The following RSU1 variants were observed in gnomAD, a reference collection of about 807,000 sequenced individuals.
RSU1 encodes the protein Ras suppressor protein 1, also known as rsu-1.
RSU1 carries 26 observed loss-of-function variants against 31.1 expected under a neutral mutation model. That is an observed-to-expected ratio of 0.84 (90% CI 0.61 to 1.16). The LOEUF (loss-of-function observed/expected upper bound fraction) is 1.16. RSU1 is among the 50% of genes most tolerant of loss of function. The probability of loss-of-function intolerance (pLI) is 0.00; values close to 1 mark genes in which losing one functional copy is unlikely to be tolerated. For missense variants in RSU1, 320 were observed against 339.1 expected (o/e 0.94, Z 0.44); for synonymous variants, 164 against 136.3 (o/e 1.20, Z -1.41).
chr10:16,670,872 C>G (rs1835093073), intron 8 of RSU1, among the ~76,000 whole-genome samples: 1 of 152,162 alleles, frequency 6.6e-6, no homozygotes, highest in South Asian at 2.1e-4. Flanking sequence ...TCAAGTGATT[C>G]TCCTGCTCCA....
chr10:16,728,941 T>C (rs1836450030), intron 7 of RSU1, among the ~76,000 whole-genome samples: 1 of 152,142 alleles, frequency 6.6e-6, no homozygotes, highest in Non-Finnish European at 1.5e-5. Context: ...TCTAATTCAG[T>C]GAAAAAGATC....
intron 7 of RSU1, among the ~76,000 whole-genome samples, chr10:16,730,929 T>A (rs1836497693): frequency 6.6e-6 from 1 of 152,026 alleles, no homozygotes; most frequent in South Asian, 2.1e-4. Context: ...GTTCAAGCGA[T>A]TCTTGTGCCT....
At chr10:16,627,972 G>A (rs1834186822) in intron 8 of RSU1, among the ~76,000 whole-genome samples, 1 of 152,074 alleles carries the variant, frequency 6.6e-6, no homozygotes, top group South Asian at 2.1e-4. Context: ...CCATCCAGAG[G>A]CGAGACCAGC....
intron 7 of RSU1, among the ~76,000 whole-genome samples, chr10:16,697,709 G>GA (rs1007584676): frequency 2.0e-5 from 3 of 150,820 alleles, no homozygotes; most frequent in African/African-American, 2.4e-5. Context: ...CAAAGTAGAT[G>GA]AAAAAAAAGC....
At chr10:16,606,643 T>C (rs1409878051) in intron 8 of RSU1, among the ~76,000 whole-genome samples, 1 of 152,150 alleles carries the variant, frequency 6.6e-6, no homozygotes, top group African/African-American at 2.4e-5. Flanking sequence ...CCACGTTGTA[T>C]ATACTAAGTC....
At chr10:16,686,544 T>C (rs568134598) in intron 8 of RSU1, among the ~76,000 whole-genome samples, 12 of 152,220 alleles carry the variant, frequency 7.9e-5, no homozygotes, top group Non-Finnish European at 1.6e-4. Flanking sequence ...GGATGGAGTC[T>C]AGCTGATATT....
intron 8 of RSU1, among the ~76,000 whole-genome samples, chr10:16,614,631 C>A (rs908978067): frequency 1.3e-5 from 2 of 152,050 alleles, no homozygotes; most frequent in African/African-American, 4.8e-5. Flanking sequence ...AATACATACA[C>A]CTACTGTGTA....
intron 8 of RSU1, among the ~76,000 whole-genome samples, chr10:16,638,347 C>G (rs766348085): frequency 6.6e-6 from 1 of 152,086 alleles, no homozygotes; most frequent in African/African-American, 2.4e-5. Flanking sequence ...TTGTGTCTTA[C>G]GCAGATCATC....
intron 8 of RSU1, among the ~76,000 whole-genome samples, chr10:16,656,374 A>T (rs1834778960): frequency 1.3e-5 from 2 of 152,220 alleles, no homozygotes; most frequent in Non-Finnish European, 2.9e-5. Flanking sequence ...ATATTGTTGC[A>T]TTGTTATTTA....
intron 2 of RSU1, among the ~76,000 whole-genome samples, chr10:16,789,373 T>C (rs765094944): frequency 6.6e-6 from 1 of 152,128 alleles, no homozygotes; most frequent in South Asian, 2.1e-4. Flanking sequence ...TAAAAGATCT[T>C]TGAGAAAAAT....
intron 7 of RSU1, among the ~76,000 whole-genome samples, chr10:16,710,340 C>T (rs901629605): frequency 2.0e-5 from 3 of 152,322 alleles, no homozygotes; most frequent in African/African-American, 7.2e-5. Flanking sequence ...ACCCTTGCAA[C>T]ACTGGTATGA....
intron 8 of RSU1, among the ~76,000 whole-genome samples, chr10:16,608,779 GT>G (rs2131465991): frequency 6.6e-6 from 1 of 152,002 alleles, no homozygotes; most frequent in African/African-American, 2.4e-5. Context: ...AGAATGAAGA[GT>G]TTAAAGTTTA....
At chr10:16,709,145 C>A (rs1045352148) in intron 7 of RSU1, among the ~76,000 whole-genome samples, 1 of 151,920 alleles carries the variant, frequency 6.6e-6, no homozygotes, top group Non-Finnish European at 1.5e-5. Flanking sequence ...TCCCTCCCCC[C>A]TTCCCCCACC....
intron 8 of RSU1, among the ~76,000 whole-genome samples, chr10:16,638,497 A>G (rs571464760): frequency 2.4e-4 from 36 of 152,312 alleles, no homozygotes; most frequent in Non-Finnish European, 4.1e-4. Context: ...GCTGTAAAGT[A>G]GTCAATCACC....
chr10:16,740,785 A>C (rs1011102349), intron 7 of RSU1, among the ~76,000 whole-genome samples: 4 of 152,214 alleles, frequency 2.6e-5, no homozygotes, highest in Non-Finnish European at 5.9e-5. Context: ...GAAATCTACA[A>C]AACATTACTG....
At chr10:16,738,582 C>G (rs1480181456) in intron 7 of RSU1, among the ~76,000 whole-genome samples, 1 of 152,072 alleles carries the variant, frequency 6.6e-6, no homozygotes, top group Non-Finnish European at 1.5e-5. Context: ...TAAAATAACT[C>G]AGTGAAACTA....
intron 8 of RSU1, among the ~76,000 whole-genome samples, chr10:16,618,345 T>C (rs2047708071): frequency 6.6e-6 from 1 of 152,226 alleles, no homozygotes; most frequent in African/African-American, 2.4e-5. Flanking sequence ...GGCAAGGCTG[T>C]GGAGAAATAG....
intron 8 of RSU1, among the ~76,000 whole-genome samples, chr10:16,681,502 C>T (rs1835327299): frequency 6.6e-6 from 1 of 151,794 alleles, no homozygotes; most frequent in African/African-American, 2.4e-5. Flanking sequence ...CTTCTATTGC[C>T]TTAAAAAAAT....
intron 2 of RSU1, among the ~76,000 whole-genome samples, chr10:16,790,380 A>T (rs1837886230): frequency 6.6e-6 from 1 of 152,204 alleles, no homozygotes; most frequent in Non-Finnish European, 1.5e-5. Context: ...CACACAACTT[A>T]CGGAACAGAG....
Sources: gnomAD v4.1 joint callset for allele counts (sites outside exome capture counted in the v4.1 genomes callset) on GRCh38, gnomAD v4.1.1 for gene constraint, MANE v1.5 for transcripts, NCBI Gene and HGNC (gene_info 2026-07-23, HGNC 2026-07-21) for gene names.